The following EXOC2 variants were observed in gnomAD, a reference collection of about 807,000 sequenced individuals.
EXOC2 encodes SEC5-like 1.
A neutral mutation model predicts 131.8 loss-of-function variants in EXOC2; 70 were observed. The observed-to-expected ratio is 0.53, with a 90% CI of 0.44 to 0.65. The LOEUF is 0.65. Ranked by LOEUF, EXOC2 falls within the 30% of genes least tolerant of loss-of-function variation. EXOC2 has a pLI of 0.00. For synonymous variants in EXOC2, 411 were observed against 398.4 expected (o/e 1.03, Z -0.38); for missense variants, 923 against 1,108.6 (o/e 0.83, Z 2.38).
intron 1 of EXOC2, among the ~76,000 whole-genome samples, chr6:688,981 A>G (rs1220016983): frequency 2.6e-5 from 4 of 152,226 alleles, no homozygotes; most frequent in Admixed American, 6.5e-5. Context: ...AAATTCATCC[A>G]TGCTTACAAA....
chr6:567,262 G>A lies in EXOC2; in HGVS notation c.1444-2333C>T, dbSNP rs755904041. ...GCTTCTTCCTTTTCTGATAAGCTGA[G>A]CTGCCCTCCTGGTGCTGCAGGCGTC... On this transcript the variant is annotated intron_variant, in intron 13 of 27. Coordinates refer to ENST00000230449, the MANE Select transcript of EXOC2 (RefSeq NM_018303.6). 9.9e-5 allele frequency among the ~76,000 whole-genome samples: 15 copies of A among 152,132 alleles called. No homozygotes were observed. In the Middle Eastern group the frequency reaches 0.017, roughly 172 times the overall value.
At chr6:523,093 A>G (rs1765563815) in intron 23 of EXOC2, among the ~76,000 whole-genome samples, 1 of 152,232 alleles carries the variant, frequency 6.6e-6, no homozygotes, top group African/African-American at 2.4e-5. Context: ...ATCTGTTCTG[A>G]CAGGTAACAT....
chr6:649,516 T>TA (rs141997420), intron 1 of EXOC2, among the ~76,000 whole-genome samples: 18,258 of 151,678 alleles, frequency 0.12, 1,292 homozygotes, highest in South Asian at 0.2. Context: ...CTGGTTTGCT[T>TA]AAAAAAAAAT....
intron 1 of EXOC2, among the ~76,000 whole-genome samples, chr6:647,759 C>T (rs1762643353): frequency 6.7e-6 from 1 of 149,530 alleles, no homozygotes; most frequent in Non-Finnish European, 1.5e-5. Context: ...TTTACTCCCA[C>T]TATTTCAAAT....
intron 12 of EXOC2, among the ~76,000 whole-genome samples, chr6:575,468 T>C (rs145166693): frequency 0.011 from 1,652 of 151,248 alleles, 30 homozygotes; most frequent in African/African-American, 0.037. Flanking sequence ...TCCCTCTCCA[T>C]CCTCTCCCTC....
intron 6 of EXOC2, among the ~76,000 whole-genome samples, chr6:614,580 C>A (rs1360558014): frequency 6.6e-6 from 1 of 152,148 alleles, no homozygotes; most frequent in African/African-American, 2.4e-5. Context: ...AAACACCAAA[C>A]TGAGGGTAAT....
chr6:593,841 T>C (rs3823127), intron 10 of EXOC2, among the ~76,000 whole-genome samples: 29,258 of 152,146 alleles, frequency 0.19, 3,053 homozygotes, highest in South Asian at 0.32. Flanking sequence ...GAGTGTGTGT[T>C]ACTCAGGTAT....
chr6:671,663 GA>G (rs924541938), intron 1 of EXOC2, among the ~76,000 whole-genome samples: 14 of 152,026 alleles, frequency 9.2e-5, no homozygotes, highest in Admixed American at 9.2e-4. Flanking sequence ...ATTTCGTCTG[GA>G]AAAAGTTTAT....
intron 22 of EXOC2, 151 bp from the exon 23 acceptor site, chr6:532,761 A>G (rs1024490395): frequency 1.2e-5 from 9 of 731,950 alleles, no homozygotes; most frequent in African/African-American, 1.8e-5. Context: ...TCAGTAACAA[A>G]GATCTCTTTT....
chr6:501,327 ATATATC>A (rs1444879472), intron 23 of EXOC2, among the ~76,000 whole-genome samples: 1 of 696 alleles, frequency 1.4e-3, no homozygotes, highest in African/African-American at 4.5e-3. Flanking sequence ...TATATATTAT[ATATATC>A]TATATATATT....
At chr6:537,928 T>G (rs1766563753) in intron 22 of EXOC2, among the ~76,000 whole-genome samples, 1 of 152,196 alleles carries the variant, frequency 6.6e-6, no homozygotes, top group African/African-American at 2.4e-5. Flanking sequence ...GGGAGCCTAC[T>G]CAAACAGGGC....
intron 25 of EXOC2, among the ~76,000 whole-genome samples, chr6:495,842 C>CAT (rs1763702365): frequency 6.6e-6 from 1 of 152,196 alleles, no homozygotes; most frequent in African/African-American, 2.4e-5. Flanking sequence ...AATCTAATTA[C>CAT]ATGCATGCTG....
intron 4 of EXOC2, among the ~76,000 whole-genome samples, chr6:626,721 A>C (rs911093874): frequency 6.6e-6 from 1 of 151,956 alleles, no homozygotes; most frequent in Non-Finnish European, 1.5e-5. Context: ...CCTCCCAAGT[A>C]GCTGAGATTA....
chr6:609,501 G>C (rs1760604619), intron 7 of EXOC2, among the ~76,000 whole-genome samples: 3 of 152,128 alleles, frequency 2.0e-5, no homozygotes, highest in Admixed American at 2.0e-4. Flanking sequence ...TAAGTAGCTG[G>C]GACCTAGGAC....
At chr6:520,785 A>G (rs368687154) in intron 23 of EXOC2, among the ~76,000 whole-genome samples, 9,468 of 63,384 alleles carry the variant, frequency 0.15, 1,300 homozygotes, top group East Asian at 0.33. Context: ...CCCACCGAGC[A>G]CCAACACTCA....
At chr6:516,056 C>A (rs539290217) in intron 23 of EXOC2, among the ~76,000 whole-genome samples, 13 of 152,146 alleles carry the variant, frequency 8.5e-5, no homozygotes, top group Admixed American at 2.6e-4. Context: ...GAAAGCAGAA[C>A]GTTTTTCAGT....
Position 576,878 on chromosome 6 carries a change from G to T in EXOC2, c.1197C>A (p.Asn399Lys), listed in dbSNP as rs1242702364. 1.2e-6 allele frequency: 2 copies of T among 1,613,804 alleles called. No homozygotes were observed. Among genetic ancestry groups the T allele is most frequent in the Non-Finnish European group, 1.7e-6 (2 of 1,179,876 alleles). Residue 399 changes from asparagine to lysine, a missense_variant, in exon 12 of 28, where the codon AAC (asparagine) becomes AAA (lysine). By Grantham distance (94) the Asn-to-Lys change is moderately conservative (BLOSUM62 0). Coordinates refer to ENST00000230449, the MANE Select transcript of EXOC2 (RefSeq NM_018303.6). ...KEGYVKDLKG[N>K]PGLHSPMLDL... The stretch of plus-strand genomic sequence containing the variant: ...CCAACATGGGACTGTGCAGGCCTGG[G>T]TTACCTGGGGAAGAAAGGAGAGATA...
intron 1 of EXOC2, among the ~76,000 whole-genome samples, chr6:665,876 C>G (rs1383928267): frequency 6.6e-6 from 1 of 152,048 alleles, no homozygotes; most frequent in Admixed American, 6.5e-5. Context: ...CAAGTCACCA[C>G]TAAGAACTTA....
intron 1 of EXOC2, among the ~76,000 whole-genome samples, chr6:647,290 T>C (rs1235323511): frequency 6.6e-6 from 1 of 152,012 alleles, no homozygotes; most frequent in Non-Finnish European, 1.5e-5. Flanking sequence ...TAAAACTTAA[T>C]GAAAATAATT....
Sources: allele counts gnomAD v4.1 joint callset (sites outside exome capture counted in the v4.1 genomes callset), GRCh38; gene constraint gnomAD v4.1.1; transcripts MANE v1.5; gene names NCBI Gene and HGNC (gene_info 2026-07-23, HGNC 2026-07-21).